The following ZNF618 variants were observed in gnomAD, a reference collection of about 807,000 sequenced individuals.
ZNF618 encodes the protein zinc finger protein 618.
In ZNF618, 34 loss-of-function variants were observed where a neutral mutation model predicts 103.0. The observed-to-expected ratio is 0.33, with a 90% CI of 0.25 to 0.44. The LOEUF (loss-of-function observed/expected upper bound fraction) is 0.44, where lower values mean the gene tolerates loss of function less well. Ranked by LOEUF, ZNF618 falls within the 20% of genes least tolerant of loss-of-function variation. The probability of loss-of-function intolerance (pLI) is 1.00; values close to 1 mark genes in which losing one functional copy is unlikely to be tolerated. For missense variants in ZNF618, 1,059 were observed against 1,295.4 expected (o/e 0.82, Z 2.80); for synonymous variants, 551 against 542.2 (o/e 1.02, Z -0.23).
rs1389384579 is a variant in ZNF618, at chr9:114,028,707, G to A, written c.845-26G>A. 20 of 1,540,910 alleles carry A rather than the reference G, an allele frequency of 1.3e-5. No individual in the cohort carries two copies. In the East Asian group the frequency reaches 2.2e-4, roughly 17 times the overall value. On this transcript the variant is annotated intron_variant, in intron 10 of 14. Transcript: ENST00000374126. Reference sequence around the variant, plus strand: ...CACTCTGCCGGCTGGGAGGGCCCTCGGGGACTGAGAGCGTGACCCTCTCAG... The same window carrying A: ...CACTCTGCCGGCTGGGAGGGCCCTCAGGGACTGAGAGCGTGACCCTCTCAG...
chr9:113,934,444 T>C (rs946085745), intron 1 of ZNF618, among the ~76,000 whole-genome samples: 3 of 152,064 alleles, frequency 2.0e-5, no homozygotes, highest in Admixed American at 6.5e-5. Context: ...GAACCTCCTC[T>C]GTGGATTGTG....
intron 1 of ZNF618, among the ~76,000 whole-genome samples, chr9:113,935,666 C>T (rs185413719): frequency 3.3e-5 from 5 of 152,280 alleles, no homozygotes; most frequent in East Asian, 3.9e-4. Context: ...TCTTCTCCTT[C>T]GAGCCCAATG....
rs184572599 is a variant in ZNF618 at position 113,976,000 on chromosome 9, T to C, written c.77+6840T>C. On this transcript the variant is annotated intron_variant, in intron 2 of 14. Transcript: ENST00000374126. The stretch of plus-strand genomic sequence containing the variant: ...CATGTACTTACTCCAAAGGGGCCGG[T>C]TGCTTTTTTGGTGGGCAGAGTTCAC... Among the ~76,000 whole-genome samples, 236 of 152,268 alleles carry C rather than the reference T, an allele frequency of 1.5e-3. 1 individual carries two copies. Among genetic ancestry groups the C allele is most frequent in the African/African-American group, 5.4e-3 (225 of 41,540 alleles).
intron 6 of ZNF618, among the ~76,000 whole-genome samples, chr9:114,003,383 A>G (rs1170185269): frequency 6.6e-6 from 1 of 152,262 alleles, no homozygotes. Context: ...TGTCGCCAAC[A>G]GAAACGGGTG....
At chr9:113,930,325 T>G (rs1833460757) in intron 1 of ZNF618, among the ~76,000 whole-genome samples, 1 of 152,250 alleles carries the variant, frequency 6.6e-6, no homozygotes, top group East Asian at 1.9e-4. Flanking sequence ...ATGTTGGGTT[T>G]ATACATTTAA....
intron 9 of ZNF618, among the ~76,000 whole-genome samples, chr9:114,012,824 A>G (rs750058557): frequency 1.8e-4 from 28 of 152,200 alleles, no homozygotes; most frequent in Non-Finnish European, 3.1e-4. Context: ...TTATAGTACC[A>G]GTGGCCAGAA....
chr9:114,004,459 C>A (rs1204535669), intron 6 of ZNF618, among the ~76,000 whole-genome samples: 3 of 152,256 alleles, frequency 2.0e-5, no homozygotes, highest in Non-Finnish European at 4.4e-5. Context: ...ATTTATCTTT[C>A]CTTCCTCAGC....
At chr9:113,957,445 C>T (rs1224770206) in intron 1 of ZNF618, among the ~76,000 whole-genome samples, 2 of 152,174 alleles carry the variant, frequency 1.3e-5, no homozygotes, top group Non-Finnish European at 2.9e-5. Flanking sequence ...TCTGAGAGGC[C>T]ATCAGTCCAG....
In ZNF618 at chr9:114,032,682, A is replaced by G. The variant is rs1432562736; in HGVS notation, c.1122A>G (p.Ala374=). Residue 374 remains alanine, a synonymous_variant, in exon 12 of 15, where the codon GCA becomes GCG. Coordinates refer to ENST00000374126, the MANE Select transcript of ZNF618 (RefSeq NM_001318042.2). ...TCAGTCGGAGAGTAGAAGGCAAAGC[A>G]CAAAACCACTTTGAAGAGACGAACA... The part of the protein sequence containing the change: ...SAFSRRVEGK[A]QNHFEETNSS... 3 of 1,614,076 alleles carry G rather than the reference A, an allele frequency of 1.9e-6. No individual in the cohort carries two copies. Among genetic ancestry groups the G allele is most frequent in the Non-Finnish European group, 2.5e-6 (3 of 1,179,910 alleles).
At chr9:114,044,514 G>A (rs1845491274) in intron 13 of ZNF618, among the ~76,000 whole-genome samples, 1 of 151,898 alleles carries the variant, frequency 6.6e-6, no homozygotes, top group Non-Finnish European at 1.5e-5. Context: ...GCTTTGCTTT[G>A]GCTATGCAAG....
At chr9:113,981,939 C>G (rs1419634303) in intron 2 of ZNF618, among the ~76,000 whole-genome samples, 3 of 152,120 alleles carry the variant, frequency 2.0e-5, no homozygotes, top group Admixed American at 2.0e-4. Context: ...CCACGGAGCT[C>G]TTGTCAATGC....
intron 6 of ZNF618, among the ~76,000 whole-genome samples, chr9:114,004,618 A>C (rs961051220): frequency 6.6e-6 from 1 of 151,952 alleles, no homozygotes; most frequent in Non-Finnish European, 1.5e-5. Flanking sequence ...CTCCCTGTGG[A>C]GTTTCCTCCC....
intron 1 of ZNF618, among the ~76,000 whole-genome samples, chr9:113,965,118 A>G (rs1266084414): frequency 6.6e-6 from 1 of 151,772 alleles, no homozygotes; most frequent in African/African-American, 2.4e-5. Flanking sequence ...CGGCTTTTCA[A>G]TTTCCTCAGT....
At chr9:113,937,875 CCT>C (rs1050041399) in intron 1 of ZNF618, among the ~76,000 whole-genome samples, 1 of 90,410 alleles carries the variant, frequency 1.1e-5, no homozygotes. Context: ...TAATTATGTG[CCT>C]TTTTTTTGTT....
intron 1 of ZNF618, among the ~76,000 whole-genome samples, chr9:113,920,483 C>T (rs1049742725): frequency 4.7e-5 from 7 of 149,502 alleles, no homozygotes; most frequent in Non-Finnish European, 1.0e-4. Context: ...TTCATTGGAA[C>T]TTCCACCTTC....
At chr9:113,989,956 G>T (rs1484923373) in intron 3 of ZNF618, among the ~76,000 whole-genome samples, 3 of 152,160 alleles carry the variant, frequency 2.0e-5, no homozygotes, top group African/African-American at 7.2e-5. Flanking sequence ...TATACCCTGG[G>T]ACTCCCTACT....
chr9:113,964,916 T>G (rs1021061610), intron 1 of ZNF618, among the ~76,000 whole-genome samples: 1 of 151,700 alleles, frequency 6.6e-6, no homozygotes, highest in Non-Finnish European at 1.5e-5. Flanking sequence ...TCAGGAAAAT[T>G]GAGCAATAAA....
intron 2 of ZNF618, among the ~76,000 whole-genome samples, chr9:113,981,991 A>C (rs562251817): frequency 8.4e-4 from 124 of 147,100 alleles, no homozygotes; most frequent in African/African-American, 2.6e-3. Flanking sequence ...AAGAACTGTC[A>C]GGTGAGACCC....
chr9:113,985,364 T>G (rs1839370217), intron 2 of ZNF618, among the ~76,000 whole-genome samples: 1 of 152,194 alleles, frequency 6.6e-6, no homozygotes, highest in South Asian at 2.1e-4. Flanking sequence ...CCCCTTTTCT[T>G]GTTGGCCAGC....
Sources: gnomAD v4.1 joint callset for allele counts (sites outside exome capture counted in the v4.1 genomes callset) on GRCh38, gnomAD v4.1.1 for gene constraint, MANE v1.5 for transcripts, NCBI Gene and HGNC (gene_info 2026-07-23, HGNC 2026-07-21) for gene names.